The following RBM23 variants were observed in gnomAD, a reference collection of about 807,000 sequenced individuals.
RBM23 encodes RNA binding motif protein 23.
A neutral mutation model predicts 56.2 loss-of-function variants in RBM23; 53 were observed. That is an observed-to-expected ratio of 0.94 (90% CI 0.76 to 1.19). The LOEUF (loss-of-function observed/expected upper bound fraction) is 1.19, where lower values mean the gene tolerates loss of function less well. Ranked by LOEUF, RBM23 falls within the 50% of genes most tolerant of loss-of-function variation. RBM23 has a pLI of 0.00. For synonymous variants in RBM23, 197 were observed against 198.5 expected, an observed-to-expected ratio of 0.99 and a Z score of 0.06; for missense variants, 642 against 590.3, an observed-to-expected ratio of 1.09 and a Z score of -0.91.
chr14:22,918,724 A>T (rs963667553), intron 1 of RBM23, among the ~76,000 whole-genome samples: 1 of 152,132 alleles, frequency 6.6e-6, no homozygotes, highest in Non-Finnish European at 1.5e-5. Context: ...GGCTGCAGAG[A>T]CCCGGAAAGA....
At chr14:22,907,365 C>G (rs1292799806) in intron 4 of RBM23, among the ~76,000 whole-genome samples, 1 of 151,874 alleles carries the variant, frequency 6.6e-6, no homozygotes, top group Non-Finnish European at 1.5e-5. Context: ...AAAAATAAGA[C>G]CCAGTGTTCA....
chr14:22,901,966 A>AT lies in RBM23; in HGVS notation c.1246+13dup. 1 of 1,611,004 alleles carries AT rather than the reference A, an allele frequency of 6.2e-7. No individual in the cohort carries two copies. Among genetic ancestry groups the AT allele is most frequent in the Non-Finnish European group, 8.5e-7 (1 of 1,177,686 alleles). ...CCCCCAAACCTTCCCTTCCTTTCCC[A>AT]TGTCCAAGACTACCAGTCAGAGCTG... On this transcript the variant is annotated intron_variant, in intron 12 of 13. Transcript: ENST00000359890.
In RBM23 at chr14:22,915,509, T is replaced by G. The variant is rs1231042304; in HGVS notation, c.-11+3490A>C. Among the ~76,000 whole-genome samples the G allele has an allele frequency of 2.0e-5, 3 of 149,900 alleles. No individual in the cohort carries two copies. The Admixed American group carries it at 2.0e-4, about 10-fold the overall frequency. ...CCCCATGCCTGGCTTTTTTTTTTTT[T>G]TTTTGAGAAGGAGTCTAGCTCTGTT... On this transcript the variant is annotated intron_variant, in intron 1 of 13. Transcript: ENST00000359890.
At chr14:22,914,125 G>A (rs966675757) in intron 1 of RBM23, 1 of 151,572 alleles carries the variant, frequency 6.6e-6, no homozygotes, top group African/African-American at 2.4e-5. Context: ...AAGAGATCGA[G>A]ACCATCCTGG....
chr14:22,902,066 G>A lies in RBM23; in HGVS notation c.1160C>T (p.Ala387Val), dbSNP rs758559144. ...AGIQLPSTAAAAAAAAAQAAA... is the reference protein window; with the variant it reads ...AGIQLPSTAAVAAAAAAQAAA... The stretch of plus-strand genomic sequence containing the variant: ...AGCCTGGGCGGCGGCGGCAGCAGCA[G>A]CAGCAGCAGTGCTTGGCAGTTGGAT... Residue 387 changes from alanine to valine, a missense_variant, in exon 12 of 14, where the codon GCT (alanine) becomes GTT (valine). By Grantham distance (64) the Ala-to-Val change is moderately conservative. Transcript: ENST00000359890. 2.5e-6 allele frequency: 4 copies of A among 1,612,922 alleles called. No homozygotes were observed. The highest frequency in any genetic ancestry group is 3.4e-6 in the Non-Finnish European group (4 of 1,179,212).
At chr14:22,915,086 T>C (rs933399500) in intron 1 of RBM23, among the ~76,000 whole-genome samples, 4 of 152,134 alleles carry the variant, frequency 2.6e-5, no homozygotes, top group African/African-American at 9.7e-5. Flanking sequence ...ATATCCTATT[T>C]TGACAATTAA....
chr14:22,908,325 T>C lies in RBM23; in HGVS notation c.227+8A>G, dbSNP rs1268644786. 2 of 1,549,906 alleles carry C rather than the reference T, an allele frequency of 1.3e-6. No homozygotes were observed. The highest frequency in any genetic ancestry group is 1.4e-5 in the African/African-American group (1 of 73,142). Reference sequence around the variant, plus strand: ...ACGAGCCACTGTGCCTGGCCCAGAATTACTGACCTGCGCTTTCTATCCCTG... The same window carrying C: ...ACGAGCCACTGTGCCTGGCCCAGAACTACTGACCTGCGCTTTCTATCCCTG... On this transcript the variant is annotated splice_region_variant and intron_variant, in intron 4 of 13. Coordinates refer to ENST00000359890, the MANE Select transcript of RBM23 (RefSeq NM_001077351.2).
At chr14:22,913,612 T>G (rs2042970292) in intron 1 of RBM23, 1 of 150,806 alleles carries the variant, frequency 6.6e-6, no homozygotes, top group Non-Finnish European at 1.5e-5. Context: ...AATATAAAAA[T>G]TAAGGCTGGG....
At position 22,893,630 on chromosome 14, in the gene RBM23, C is replaced by T. The variant is rs1284642929; in HGVS notation, c.*8100G>A. ...GTTGAGAGAAAGAAGGAAAAGCATT[C>T]CTTGTGGTCAAACTACATGAGCAAA... On this transcript the variant is annotated 3_prime_UTR_variant, in exon 14 of 14. Transcript: ENST00000359890. 6.6e-6 allele frequency: 1 copy of T among 152,210 alleles called. No homozygotes were observed. The highest frequency in any genetic ancestry group is 1.5e-5 in the Non-Finnish European group (1 of 68,026). The allele number at this position is 152,210 out of a possible 1,614,324, so 9.4% of individuals were successfully genotyped here.
chr14:22,894,370 T>C lies in RBM23; in HGVS notation c.*7360A>G, dbSNP rs1316026130. ...TGGTATTTTACTGCATGATTTTCCA[T>C]TTTTGTGTTCAAATTACAACTTGAC... On this transcript the variant is annotated 3_prime_UTR_variant, in exon 14 of 14. Transcript: ENST00000359890. The C allele has an allele frequency of 6.6e-6, 1 of 152,244 alleles. No homozygotes were observed. Among genetic ancestry groups the C allele is most frequent in the East Asian group, 1.9e-4 (1 of 5,202 alleles). The allele number at this position is 152,244 out of a possible 1,614,324, so 9.4% of individuals were successfully genotyped here.
At chr14:22,906,520 C>T (rs917689617) in intron 4 of RBM23, 152 bp from the exon 5 acceptor site, 44 of 935,148 alleles carry the variant, frequency 4.7e-5, no homozygotes, top group Non-Finnish European at 6.6e-5. Flanking sequence ...TAATGTATTA[C>T]TTATGTGTTT....
At chr14:22,916,146 G>A (rs1009811360) in intron 1 of RBM23, among the ~76,000 whole-genome samples, 1 of 152,162 alleles carries the variant, frequency 6.6e-6, no homozygotes, top group South Asian at 2.1e-4. Flanking sequence ...AACCCAGGAA[G>A]TTGAGGCTGC....
In RBM23 at chr14:22,911,177, GCTTA is replaced by G. The variant is rs896162547; in HGVS notation, c.66+147_66+150del. The G allele has an allele frequency of 5.9e-6, 4 of 681,684 alleles. No homozygotes were observed. The African/African-American group carries it at 7.2e-5, about 12-fold the overall frequency. 42.2% of individuals were successfully genotyped at this position (681,684 alleles called of 1,614,324 possible). On this transcript the variant is annotated intron_variant, in intron 2 of 13. Coordinates refer to ENST00000359890, the MANE Select transcript of RBM23 (RefSeq NM_001077351.2). ...GCTCTTAACCATAGTCTCCAGCAAA[GCTTA>G]CTAAGACTATGCCTTTTATGATTAG...
Position 22,901,795 on chromosome 14 carries a change from G to A in RBM23, c.1316+19C>T. ...AGAGAATAATCAAAGGCTAGAATGA[G>A]CTAGACCCTGAGACTCACATGGTCT... On this transcript the variant is annotated intron_variant, in intron 13 of 13. Transcript: ENST00000359890. 6.2e-7 allele frequency: 1 copy of A among 1,614,040 alleles called. No individual in the cohort carries two copies. Among genetic ancestry groups the A allele is most frequent in the Non-Finnish European group, 8.5e-7 (1 of 1,179,842 alleles).
Position 22,909,485 on chromosome 14 carries a change from G to C in RBM23, c.177C>G (p.Ser59Arg). The change falls in exon 3 of 14, where the codon AGC (serine) becomes AGG (arginine). Residue 59 changes from serine to arginine, a missense_variant and splice_region_variant. Physicochemically the swap from Ser to Arg is moderately radical, Grantham distance 110. Transcript: ENST00000359890. ...TSGSSTIGET[S>R]KKKRSRSHNK... is the part of the protein sequence containing the mutation. ...CCATTTCTTCCTCCCACACTCACTT[G>C]CTTGTCTCCCCGATGGTGCTGCTTC... The C allele has an allele frequency of 6.2e-7, 1 of 1,612,284 alleles. No homozygotes were observed. The highest frequency in any genetic ancestry group is 8.5e-7 in the Non-Finnish European group (1 of 1,179,392).
chr14:22,917,874 GATA>G (rs2043832497), intron 1 of RBM23: 1 of 152,212 alleles, frequency 6.6e-6, no homozygotes, highest in African/African-American at 2.4e-5. Flanking sequence ...CAAGCCAACA[GATA>G]GACCCCACTG....
rs2040236128 is a variant in RBM23, at chr14:22,895,608, C to G, written c.*6122G>C. ...GTTCAAGACCACCTGGGCAACATAG[C>G]AAGACCCCATCTCTACAAAAAATAC... On this transcript the variant is annotated 3_prime_UTR_variant, in exon 14 of 14. Coordinates refer to ENST00000359890, the MANE Select transcript of RBM23 (RefSeq NM_001077351.2). 6.6e-6 allele frequency: 1 copy of G among 152,608 alleles called. No individual in the cohort carries two copies. The allele number at this position is 152,608 out of a possible 1,614,324, so 9.5% of individuals were successfully genotyped here. A position where few individuals can be genotyped will look rare whatever the true frequency, so the allele number is the denominator to read the frequency against.
At chr14:22,902,522 A>G in intron 10 of RBM23, 140 bp from the exon 11 acceptor site, 1 of 1,403,120 alleles carries the variant, frequency 7.1e-7, no homozygotes, top group South Asian at 1.8e-5. Context: ...AGAAAATATG[A>G]CCTAGGCCCA....
intron 1 of RBM23, among the ~76,000 whole-genome samples, chr14:22,916,572 T>A (rs1444859239): frequency 2.0e-5 from 3 of 151,970 alleles, no homozygotes; most frequent in Non-Finnish European, 4.4e-5. Context: ...AGGAGCTAAT[T>A]CTTGATCAGA....
Sources: gnomAD v4.1 joint callset for allele counts (sites outside exome capture counted in the v4.1 genomes callset) on GRCh38, gnomAD v4.1.1 for gene constraint, MANE v1.5 for transcripts, NCBI Gene and HGNC (gene_info 2026-07-23, HGNC 2026-07-21) for gene names.